IQCB1: variants seen among roughly 807,000 people sequenced by gnomAD.
The protein encoded by IQCB1 is IQ calmodulin-binding motif-containing protein 1.
IQCB1 carries 56 observed loss-of-function variants against 84.4 expected under a neutral mutation model. The ratio of observed to expected loss-of-function variants is 0.66; its 90% confidence interval spans 0.54 to 0.83. The LOEUF (loss-of-function observed/expected upper bound fraction) is 0.83, where lower values mean the gene tolerates loss of function less well. IQCB1 is among the 40% of genes least tolerant of loss of function. The probability of loss-of-function intolerance (pLI) is 0.00; values close to 1 mark genes in which losing one functional copy is unlikely to be tolerated. For missense variants in IQCB1, 629 were observed against 682.1 expected (o/e 0.92, Z 0.87); for synonymous variants, 210 against 234.8 (o/e 0.89, Z 0.96).
At chr3:121,822,095 C>T (rs189749242) in intron 5 of IQCB1, among the ~76,000 whole-genome samples, 3 of 152,272 alleles carry the variant, frequency 2.0e-5, no homozygotes, top group South Asian at 2.1e-4. Context: ...TCATGGATCT[C>T]GAGTCTGCTG....
At chr3:121,800,593 C>T (rs938709406) in intron 7 of IQCB1, among the ~76,000 whole-genome samples, 1 of 151,808 alleles carries the variant, frequency 6.6e-6, no homozygotes, top group Non-Finnish European at 1.5e-5. Context: ...AATGTCATCA[C>T]ACTATTCAAA....
chr3:121,781,962 T>A (rs1033535627), intron 12 of IQCB1, 88 bp from the exon 13 acceptor site: 1 of 1,303,620 alleles, frequency 7.7e-7, no homozygotes. Context: ...AGTGATCACA[T>A]TGCAATAATG....
At chr3:121,807,953 G>A (rs1056844207) in intron 6 of IQCB1, among the ~76,000 whole-genome samples, 1 of 151,844 alleles carries the variant, frequency 6.6e-6, no homozygotes, top group Admixed American at 6.6e-5. Context: ...CAGTTATAAC[G>A]ATTTAGCACT....
intron 8 of IQCB1, 64 bp from the exon 9 acceptor site, chr3:121,797,291 A>C: frequency 1.4e-6 from 1 of 737,466 alleles, no homozygotes; most frequent in Non-Finnish European, 2.3e-6. Flanking sequence ...TTGTTATCTA[A>C]TCAGTATTAA....
chr3:121,812,242 C>T (rs570293637), intron 5 of IQCB1, among the ~76,000 whole-genome samples: 5 of 152,298 alleles, frequency 3.3e-5, no homozygotes, highest in Non-Finnish European at 5.9e-5. Context: ...ACAAAAAGGA[C>T]ACCCACACAA....
At chr3:121,791,480 T>C (rs1199861495) in intron 10 of IQCB1, among the ~76,000 whole-genome samples, 2 of 152,230 alleles carry the variant, frequency 1.3e-5, no homozygotes, top group African/African-American at 2.4e-5. Context: ...TTGAAACTTC[T>C]TTCTTATCCC....
intron 5 of IQCB1, among the ~76,000 whole-genome samples, chr3:121,821,996 A>C (rs1170863948): frequency 1.3e-5 from 2 of 152,226 alleles, no homozygotes; most frequent in Non-Finnish European, 2.9e-5. Context: ...ACCCTCTCCC[A>C]CATAAAGGGA....
intron 2 of IQCB1, among the ~76,000 whole-genome samples, chr3:121,829,621 T>TC (rs1296431436): frequency 2.0e-5 from 3 of 152,188 alleles, no homozygotes; most frequent in African/African-American, 7.2e-5. Context: ...TAGTTGAGCT[T>TC]CCTTGGTAGA....
chr3:121,820,765 T>C (rs1950242880), intron 5 of IQCB1, among the ~76,000 whole-genome samples: 1 of 152,118 alleles, frequency 6.6e-6, no homozygotes, highest in South Asian at 2.1e-4. Flanking sequence ...ACACCTTTTA[T>C]ATTCTTACAA....
intron 10 of IQCB1, among the ~76,000 whole-genome samples, chr3:121,795,060 A>G (rs1319327295): frequency 6.6e-6 from 1 of 152,136 alleles, no homozygotes; most frequent in Admixed American, 6.5e-5. Flanking sequence ...ATATCCATCC[A>G]TGCCATATTT....
intron 10 of IQCB1, among the ~76,000 whole-genome samples, chr3:121,792,397 C>T (rs1478295639): frequency 6.6e-6 from 1 of 151,842 alleles, no homozygotes; most frequent in Non-Finnish European, 1.5e-5. Context: ...CGGTGGCTCA[C>T]GCTTGTAATC....
At chr3:121,832,063 T>G (rs1438586589) in intron 2 of IQCB1, among the ~76,000 whole-genome samples, 1 of 152,362 alleles carries the variant, frequency 6.6e-6, no homozygotes, top group East Asian at 1.9e-4. Context: ...ATCTGTTAGA[T>G]GAAAATTGGT....
chr3:121,797,270 A>G, intron 8 of IQCB1, 43 bp from the exon 9 acceptor site: 1 of 903,902 alleles, frequency 1.1e-6, no homozygotes, highest in Non-Finnish European at 1.7e-6. Context: ...TTATAATAAT[A>G]AAATATGATT....
intron 5 of IQCB1, 67 bp downstream of exon 5, chr3:121,825,984 A>G: frequency 7.0e-7 from 1 of 1,423,112 alleles, no homozygotes; most frequent in Non-Finnish European, 9.8e-7. Flanking sequence ...TGCACATTTA[A>G]AAAATAACAG....
chr3:121,817,016 C>A (rs2108615788), intron 5 of IQCB1, among the ~76,000 whole-genome samples: 1 of 152,248 alleles, frequency 6.6e-6, no homozygotes, highest in Admixed American at 6.5e-5. Flanking sequence ...AACCAAATGC[C>A]CATCAATGAT....
chr3:121,814,167 G>A (rs1365995597), intron 5 of IQCB1, among the ~76,000 whole-genome samples: 3 of 152,186 alleles, frequency 2.0e-5, no homozygotes, highest in African/African-American at 7.2e-5. Flanking sequence ...GCTCCTGAAT[G>A]AGTACTGGGT....
intron 5 of IQCB1, among the ~76,000 whole-genome samples, chr3:121,812,002 G>A (rs148054661): frequency 6.6e-6 from 1 of 152,284 alleles, no homozygotes; most frequent in African/African-American, 2.4e-5. Flanking sequence ...CTCCAGACTG[G>A]GAGACACCTC....
At chr3:121,834,292 G>A (rs1708132906) in intron 2 of IQCB1, 99 bp downstream of exon 2, 1 of 152,128 alleles carries the variant, frequency 6.6e-6, no homozygotes, top group African/African-American at 2.4e-5. Flanking sequence ...AAACTTTCTC[G>A]AGTGTTTCTC....
intron 2 of IQCB1, among the ~76,000 whole-genome samples, chr3:121,830,562 G>T (rs530762014): frequency 6.6e-6 from 1 of 152,258 alleles, no homozygotes; most frequent in Non-Finnish European, 1.5e-5. Flanking sequence ...TCACAACAGG[G>T]CTATGAAGTA....
Sources: gnomAD v4.1 joint callset for allele counts (sites outside exome capture counted in the v4.1 genomes callset) on GRCh38, gnomAD v4.1.1 for gene constraint, MANE v1.5 for transcripts, NCBI Gene and HGNC (gene_info 2026-07-23, HGNC 2026-07-21) for gene names.